RPH3AL: variants seen among roughly 807,000 people sequenced by gnomAD.
RPH3AL encodes the protein rabphilin 3A like (without C2 domains).
A neutral mutation model predicts 43.1 loss-of-function variants in RPH3AL; 38 were observed. That is an observed-to-expected ratio of 0.88 (90% confidence interval 0.68 to 1.15). RPH3AL has a LOEUF of 1.15. Among genes scored for constraint, RPH3AL ranks in the 50% most tolerant of loss-of-function variants. RPH3AL has a pLI of 0.00. For synonymous variants in RPH3AL, 189 were observed against 176.3 expected, an observed-to-expected ratio of 1.07 and a Z score of -0.57; for missense variants, 462 against 423.2, an observed-to-expected ratio of 1.09 and a Z score of -0.81.
At chr17:276,979 A>AT (rs1402442534) in intron 6 of RPH3AL, among the ~76,000 whole-genome samples, 3 of 152,118 alleles carry the variant, frequency 2.0e-5, no homozygotes, top group Non-Finnish European at 4.4e-5. Context: ...ATGCACCCTT[A>AT]TTTTTTTAAT....
At chr17:239,132 C>T (rs548054278) in intron 7 of RPH3AL, among the ~76,000 whole-genome samples, 26 of 152,300 alleles carry the variant, frequency 1.7e-4, no homozygotes, top group Middle Eastern at 3.4e-3. Context: ...CTGCAGGCAA[C>T]TCCTTGGCCA....
chr17:273,047 AGGGAGAGACCCCAGCGAGGGCGACG>A (rs2042540641), intron 6 of RPH3AL, among the ~76,000 whole-genome samples: 3 of 110,734 alleles, frequency 2.7e-5, no homozygotes, highest in African/African-American at 5.7e-5. Flanking sequence ...GGGCGACGTC[AGGGAGAGACCCCAGCGAGGGCGACG>A]TCAGGGAGAG....
chr17:321,386 T>G lies in RPH3AL; in HGVS notation c.107A>C (p.Tyr36Ser), dbSNP rs762690995. The change falls in exon 4 of 10, where the codon TAC becomes TCC. Residue 36 changes from tyrosine to serine, a missense_variant. By Grantham distance (144) the Tyr-to-Ser change is moderately radical. Coordinates refer to ENST00000331302, the MANE Select transcript of RPH3AL (RefSeq NM_006987.4). ...KLQTGWSVHT[Y>S]QTEKQRRKQH... ...CTTCCTCCTCTGCTTCTCCGTCTGGTAGGTGTGCACGGACCAGCCCGTCTG... is the reference window on the plus strand; with the variant it reads ...CTTCCTCCTCTGCTTCTCCGTCTGGGAGGTGTGCACGGACCAGCCCGTCTG... 2.5e-6 allele frequency: 4 copies of G among 1,610,456 alleles called. No homozygotes were observed. The highest frequency in any genetic ancestry group is 1.7e-5 in the Admixed American group (1 of 59,982).
At chr17:242,965 T>G (rs370981697) in intron 7 of RPH3AL, among the ~76,000 whole-genome samples, 3,001 of 133,426 alleles carry the variant, frequency 0.022, 167 homozygotes, top group Admixed American at 0.041. Context: ...CTTCCTCTAT[T>G]GACTACCTTC....
At chr17:233,052 T>C (rs1407247247) in intron 7 of RPH3AL, among the ~76,000 whole-genome samples, 1 of 152,050 alleles carries the variant, frequency 6.6e-6, no homozygotes, top group Admixed American at 6.5e-5. Flanking sequence ...AGTCAGTTCA[T>C]GGCACTTAGT....
At chr17:272,939 AGAGACCCCAGCAAGGGC>A (rs2042514543) in intron 6 of RPH3AL, among the ~76,000 whole-genome samples, 1 of 121,752 alleles carries the variant, frequency 8.2e-6, no homozygotes, top group East Asian at 2.7e-4. Context: ...GACATCAGGG[AGAGACCCCAGCAAGGGC>A]TACGTCAGGG....
rs568228305 is a variant in RPH3AL at position 347,268 on chromosome 17, A to T, written c.-213+5444T>A. 3.1e-4 allele frequency among the ~76,000 whole-genome samples: 47 copies of T among 152,162 alleles called. 5 individuals are homozygous for T. Among genetic ancestry groups the T allele is most frequent in the Non-Finnish European group, 4.1e-4 (28 of 68,010 alleles). On this transcript the variant is annotated intron_variant, in intron 1 of 9. Transcript: ENST00000331302. ...GCGAGACTCCGTCCCAGATTTTAAA[A>T]AAATAAATAAATAAATAAAAATAAA...
chr17:214,065 G>C lies in RPH3AL; in HGVS notation c.877-142C>G, dbSNP rs938629905. On this transcript the variant is annotated intron_variant, in intron 9 of 9. Transcript: ENST00000331302. ...GCTGACAGCATCCGTGCCTCAGCCCGAGCTCGAGACCAGCACCGCTCTGCT... is the reference window on the plus strand; with the variant it reads ...GCTGACAGCATCCGTGCCTCAGCCCCAGCTCGAGACCAGCACCGCTCTGCT... 5 of 651,608 alleles carry C rather than the reference G, an allele frequency of 7.7e-6. No individual in the cohort carries two copies. In the East Asian group the frequency reaches 8.2e-5, roughly 11 times the overall value. The allele number at this position is 651,608 out of a possible 1,614,324, so 40.4% of individuals were successfully genotyped here.
chr17:244,228 C>CCCTTCCTCTATTGATTA (rs1274822913), intron 7 of RPH3AL, among the ~76,000 whole-genome samples: 1,595 of 147,130 alleles, frequency 0.011, 17 homozygotes, highest in Non-Finnish European at 0.017. Flanking sequence ...CTATTGATTA[C>CCCTTCCTCTATTGATTA]CCTTCCTCTA....
In RPH3AL at chr17:322,474, T is replaced by C. The variant is rs2044508413; in HGVS notation, c.78-1059A>G. On this transcript the variant is annotated intron_variant, in intron 3 of 9. Coordinates refer to ENST00000331302, the MANE Select transcript of RPH3AL (RefSeq NM_006987.4). The surrounding 1 kb of genome is among the most constrained non-coding windows in gnomAD (Gnocchi z 4.0). ...TTTAACTAACAGGTCTAAGGCGTTT[T>C]CATTCTACGCATTACCAAGTACCCG... is the stretch of plus-strand genomic sequence containing the variant. The C allele has an allele frequency of 6.6e-6, 1 of 152,230 alleles. No individual in the cohort carries two copies. The highest frequency in any genetic ancestry group is 2.1e-4 in the South Asian group (1 of 4,828). 9.4% of individuals were successfully genotyped at this position (152,230 alleles called of 1,614,324 possible).
At chr17:282,984 G>C (rs757738624) in intron 5 of RPH3AL, among the ~76,000 whole-genome samples, 2 of 152,240 alleles carry the variant, frequency 1.3e-5, no homozygotes, top group African/African-American at 2.4e-5. Context: ...ACAGCAACAA[G>C]GCCAGAAGAA....
rs1047049730 is a variant in RPH3AL at position 274,500 on chromosome 17, C to T, written c.438+7268G>A. On this transcript the variant is annotated intron_variant, in intron 6 of 9. Transcript: ENST00000331302. This position sits in a 1 kb window ranked among gnomAD's most constrained non-coding sequence, Gnocchi z 4.7. ...TACAGCTTCCAGAATCTAGCCAGTC[C>T]GGCAATGTGAGTTGCATTGGGGAAG... Among the ~76,000 whole-genome samples the T allele has an allele frequency of 2.0e-5, 3 of 152,236 alleles. No individual in the cohort carries two copies. Among genetic ancestry groups the T allele is most frequent in the African/African-American group, 4.8e-5 (2 of 41,458 alleles).
chr17:301,758 C>G (rs117803101), intron 5 of RPH3AL, among the ~76,000 whole-genome samples: 1 of 152,142 alleles, frequency 6.6e-6, no homozygotes, highest in Non-Finnish European at 1.5e-5. Flanking sequence ...AGTCCTGAGC[C>G]GAGCTGTGAC....
chr17:237,290 C>T (rs11652984), intron 7 of RPH3AL, among the ~76,000 whole-genome samples: 6,793 of 152,312 alleles, frequency 0.045, 204 homozygotes, highest in South Asian at 0.076. Context: ...TCGTGAAACT[C>T]CCATTTTTCT....
intron 5 of RPH3AL, among the ~76,000 whole-genome samples, chr17:308,882 A>G (rs1388052038): frequency 6.6e-6 from 1 of 152,202 alleles, no homozygotes; most frequent in Non-Finnish European, 1.5e-5. Context: ...GGACCCCCAC[A>G]GCTTCCCAAG....
chr17:234,992 C>T (rs911361022), intron 7 of RPH3AL, among the ~76,000 whole-genome samples: 3 of 152,124 alleles, frequency 2.0e-5, no homozygotes, highest in Non-Finnish European at 2.9e-5. Flanking sequence ...TAGCATGCCA[C>T]GTGAAGAAGT....
chr17:321,523 G>A, intron 3 of RPH3AL, 108 bp from the exon 4 acceptor site: 4 of 1,266,426 alleles, frequency 3.2e-6, no homozygotes, highest in Non-Finnish European at 4.1e-6. Flanking sequence ...GACGGCCCAG[G>A]TGCCGCGTGC....
intron 6 of RPH3AL, 89 bp downstream of exon 6, chr17:281,679 C>A: frequency 1.5e-6 from 1 of 660,694 alleles, no homozygotes; most frequent in South Asian, 1.9e-5. Context: ...CCCAGCCCTC[C>A]CCACCGTCAC....
At chr17:301,563 C>T (rs1316479590) in intron 5 of RPH3AL, among the ~76,000 whole-genome samples, 1 of 152,178 alleles carries the variant, frequency 6.6e-6, no homozygotes, top group Non-Finnish European at 1.5e-5. Flanking sequence ...CCTTGGCCTC[C>T]CAAGTAGCTG....
Sources: allele counts gnomAD v4.1 joint callset (sites outside exome capture counted in the v4.1 genomes callset), GRCh38; gene constraint gnomAD v4.1.1; non-coding constraint Gnocchi (gnomAD v3.1); transcripts MANE v1.5; gene names NCBI Gene and HGNC (gene_info 2026-07-23, HGNC 2026-07-21).